MTA1: variants seen among roughly 807,000 people sequenced by gnomAD.
MTA1 encodes the protein metastasis associated 1.
Under a neutral mutation model 97.0 loss-of-function variants are expected in MTA1, and 15 were observed. The observed-to-expected ratio is 0.15, with a 90% confidence interval of 0.10 to 0.24. The LOEUF (loss-of-function observed/expected upper bound fraction) is 0.24, where lower values mean the gene tolerates loss of function less well. MTA1 is among the 10% of genes least tolerant of loss of function. MTA1 has a pLI of 1.00. For missense variants in MTA1, 709 were observed against 1,015.1 expected, an observed-to-expected ratio of 0.70 and a Z score of 4.10; for synonymous variants, 435 against 417.5, an observed-to-expected ratio of 1.04 and a Z score of -0.51.
rs1555420578 is a variant in MTA1, at chr14:105,420,455, G to A, written c.28+392G>A. Among the ~76,000 whole-genome samples, 1 of 152,058 alleles carries A rather than the reference G, an allele frequency of 6.6e-6. No individual in the cohort carries two copies. The highest frequency in any genetic ancestry group is 1.5e-5 in the Non-Finnish European group (1 of 67,976). On this transcript the variant is annotated intron_variant, in intron 1 of 20. Coordinates refer to ENST00000331320, the MANE Select transcript of MTA1 (RefSeq NM_004689.4). The surrounding 1 kb of genome is among the most constrained non-coding windows in gnomAD (Gnocchi z 5.3). ...GGAGCAGGAGTTTTGGGGCTGTGGG[G>A]TCTCCCCCGGCCCGCGGCCCTGTGC...
intron 1 of MTA1, among the ~76,000 whole-genome samples, chr14:105,423,472 C>T (rs1555421489): frequency 1.3e-5 from 2 of 152,098 alleles, no homozygotes; most frequent in Non-Finnish European, 2.9e-5. Flanking sequence ...CCGCTTCGGC[C>T]TCCGAAAGTG....
At chr14:105,441,390 C>T (rs1468337539) in intron 2 of MTA1, among the ~76,000 whole-genome samples, 1 of 152,222 alleles carries the variant, frequency 6.6e-6, no homozygotes, top group Non-Finnish European at 1.5e-5. Flanking sequence ...GGGTGCAGCC[C>T]ATGCAGCGAG....
chr14:105,423,095 G>C (rs2081897789), intron 1 of MTA1, among the ~76,000 whole-genome samples: 1 of 152,140 alleles, frequency 6.6e-6, no homozygotes, highest in Admixed American at 6.6e-5. Flanking sequence ...CCAGCCGCCT[G>C]CAGCTTGCTC....
intron 1 of MTA1, among the ~76,000 whole-genome samples, chr14:105,437,505 G>A (rs1415003310): frequency 1.3e-5 from 2 of 151,922 alleles, no homozygotes. Context: ...CTGCAGGTGC[G>A]TCCTCACTGG....
intron 16 of MTA1, chr14:105,466,167 C>T (rs372779507): frequency 5.5e-5 from 30 of 549,938 alleles, no homozygotes; most frequent in African/African-American, 1.3e-4. Flanking sequence ...GCCTGGCCCC[C>T]GCCAGGTGGT....
intron 1 of MTA1, among the ~76,000 whole-genome samples, chr14:105,436,887 C>G (rs1300121312): frequency 6.6e-6 from 1 of 152,202 alleles, no homozygotes. Context: ...TCAGTGAATT[C>G]TAGCGTTTTC....
rs1555420536 is a variant in MTA1 at position 105,420,356 on chromosome 14, G to A, written c.28+293G>A. On this transcript the variant is annotated intron_variant, in intron 1 of 20. Coordinates refer to ENST00000331320, the MANE Select transcript of MTA1 (RefSeq NM_004689.4). The surrounding 1 kb of genome is among the most constrained non-coding windows in gnomAD (Gnocchi z 5.3). ...GTGGCGGGGGGGCGCGGGGCCTGCG[G>A]GACATCCGGGGGTCCGGGGCCGGGA... 6.6e-6 allele frequency among the ~76,000 whole-genome samples: 1 copy of A among 151,636 alleles called. No individual in the cohort carries two copies. Among genetic ancestry groups the A allele is most frequent in the Non-Finnish European group, 1.5e-5 (1 of 67,820 alleles).
At position 105,463,899 on chromosome 14, in the gene MTA1, TC is replaced by T. The variant is rs1555431667; in HGVS notation, c.1077-130del. On this transcript the variant is annotated intron_variant, in intron 12 of 20. Transcript: ENST00000331320. This position sits in a 1 kb window ranked among gnomAD's most constrained non-coding sequence, Gnocchi z 5.9. ...GGAACTGAAAGGGGAGAAAGGAAGA[TC>T]CCTGCCGAGGCCGAGGGGTGCGAGG... 1 of 834,704 alleles carries T rather than the reference TC, an allele frequency of 1.2e-6. No homozygotes were observed. Among genetic ancestry groups the T allele is most frequent in the African/African-American group, 1.7e-5 (1 of 58,644 alleles). The allele number at this position is 834,704 out of a possible 1,614,324, so 51.7% of individuals were successfully genotyped here.
rs782684043 is a variant in MTA1 at position 105,469,893 on chromosome 14, G to A, written c.1898G>A (p.Arg633His). ...LNGKSYPTKV[R>H]LIRGGSLPPV... ...GGGAAGTCCTACCCCACCAAAGTGC[G>A]CCTGATCCGGGGGGGCTCCCTGCCC... The change falls in exon 20 of 21, where the codon CGC becomes CAC. Residue 633 changes from arginine (R) to histidine (H), a missense_variant. Physicochemically the swap from Arg to His is conservative, Grantham distance 29. Coordinates refer to ENST00000331320, the MANE Select transcript of MTA1 (RefSeq NM_004689.4). The A allele has an allele frequency of 1.9e-6, 3 of 1,611,334 alleles. No individual in the cohort carries two copies. Among genetic ancestry groups the A allele is most frequent in the Non-Finnish European group, 2.5e-6 (3 of 1,179,348 alleles).
Position 105,463,612 on chromosome 14 carries a change from G to A in MTA1, c.1076+61G>A. ...CCGGGGGCCAGGGAGGGTGGGCACA[G>A]GGTGCTGGGGCCAGGCGGGTCCCAA... On this transcript the variant is annotated intron_variant, in intron 12 of 20. Transcript: ENST00000331320. The surrounding 1 kb of genome is among the most constrained non-coding windows in gnomAD (Gnocchi z 5.9). 1 of 1,534,252 alleles carries A rather than the reference G, an allele frequency of 6.5e-7. No homozygotes were observed. The highest frequency in any genetic ancestry group is 9.0e-7 in the Non-Finnish European group (1 of 1,109,622).
intron 6 of MTA1, among the ~76,000 whole-genome samples, chr14:105,452,398 G>C (rs2082978927): frequency 6.6e-6 from 1 of 152,262 alleles, no homozygotes; most frequent in Non-Finnish European, 1.5e-5. Flanking sequence ...AAAGAAACAG[G>C]CCGGGTACAG....
intron 17 of MTA1, 28 bp from the exon 18 acceptor site, chr14:105,466,679 T>C: frequency 1.2e-6 from 2 of 1,604,300 alleles, no homozygotes; most frequent in Non-Finnish European, 1.7e-6. Context: ...CTGTCTTCTC[T>C]CCCTCTCTCC....
intron 18 of MTA1, chr14:105,468,014 C>T: frequency 3.2e-6 from 1 of 316,670 alleles, no homozygotes; most frequent in South Asian, 2.6e-5. Context: ...GCCCTGGGCT[C>T]AGAGGGGTCA....
Position 105,470,264 on chromosome 14 carries a change from G to GCCCCTTCCCAGCCAGCCCGCCGC in MTA1, c.*52_*74dup. 7.6e-7 allele frequency: 1 copy of GCCCCTTCCCAGCCAGCCCGCCGC among 1,321,998 alleles called. No homozygotes were observed. Among genetic ancestry groups the GCCCCTTCCCAGCCAGCCCGCCGC allele is most frequent in the Non-Finnish European group, 9.6e-7 (1 of 1,036,728 alleles). 81.9% of individuals were successfully genotyped at this position (1,321,998 alleles called of 1,614,324 possible). ...CCCCCGCCCCTCGCCCGCCCACACG[G>GCCCCTTCCCAGCCAGCCCGCCGC]CCCCTTCCCAGCCAGCCCGCCGCCC... On this transcript the variant is annotated 3_prime_UTR_variant, in exon 21 of 21. Transcript: ENST00000331320.
intron 1 of MTA1, among the ~76,000 whole-genome samples, chr14:105,426,219 G>C (rs2082007607): frequency 6.6e-6 from 1 of 152,128 alleles, no homozygotes; most frequent in Non-Finnish European, 1.5e-5. Flanking sequence ...CTGCCAGGCT[G>C]TCCTCACAGC....
chr14:105,441,610 C>T (rs781819874), intron 2 of MTA1, among the ~76,000 whole-genome samples: 41 of 152,230 alleles, frequency 2.7e-4, no homozygotes, highest in African/African-American at 9.4e-4. Context: ...CTGGCTAATA[C>T]GGTGAAACTC....
intron 1 of MTA1, among the ~76,000 whole-genome samples, chr14:105,429,395 C>T (rs1170536470): frequency 1.3e-5 from 2 of 152,068 alleles, no homozygotes. Context: ...AAGCGATTCT[C>T]CTGCCTCAGC....
At chr14:105,439,966 G>C (rs1375451672) in intron 2 of MTA1, among the ~76,000 whole-genome samples, 2 of 152,170 alleles carry the variant, frequency 1.3e-5, no homozygotes, top group Non-Finnish European at 2.9e-5. Flanking sequence ...AGCCATGCTG[G>C]GCTCCGGGCT....
intron 6 of MTA1, among the ~76,000 whole-genome samples, chr14:105,453,535 C>T (rs1427344792): frequency 1.3e-5 from 2 of 152,168 alleles, no homozygotes; most frequent in South Asian, 4.1e-4. Flanking sequence ...GTCTGCTGGG[C>T]GCAGTGGCTG....
Sources: allele counts gnomAD v4.1 joint callset (sites outside exome capture counted in the v4.1 genomes callset), GRCh38; gene constraint gnomAD v4.1.1; non-coding constraint Gnocchi (gnomAD v3.1); transcripts MANE v1.5; gene names NCBI Gene and HGNC (gene_info 2026-07-23, HGNC 2026-07-21).